DNAH6: variants seen among roughly 807,000 people sequenced by gnomAD.
DNAH6 encodes dynein axonemal heavy chain 6, also known as axonemal beta dynein heavy chain 6.
Under a neutral mutation model 491.4 loss-of-function variants are expected in DNAH6, and 340 were observed. The ratio of observed to expected loss-of-function variants is 0.69; its 90% CI spans 0.63 to 0.76. The LOEUF (loss-of-function observed/expected upper bound fraction) is 0.76. DNAH6 is among the 30% of genes least tolerant of loss of function. The pLI is 0.00. For synonymous variants in DNAH6, 1,603 were observed against 1,686.1 expected (o/e 0.95, Z 1.21); for missense variants, 4,443 against 4,972.2 (o/e 0.89, Z 3.20).
chr2:84,683,292 T>A (rs1693962638), intron 42 of DNAH6, among the ~76,000 whole-genome samples: 1 of 152,100 alleles, frequency 6.6e-6, no homozygotes, highest in Non-Finnish European at 1.5e-5. Flanking sequence ...TGAATGAATG[T>A]CTAGATGAAT....
intron 3 of DNAH6, 143 bp downstream of exon 3, chr2:84,525,881 T>C: frequency 1.5e-6 from 1 of 667,716 alleles, no homozygotes; most frequent in Non-Finnish European, 2.5e-6. Context: ...ATAACATTTC[T>C]TCATCCTATT....
At chr2:84,715,448 A>G (rs968989565) in intron 57 of DNAH6, 112 bp from the exon 58 acceptor site, 1 of 962,374 alleles carries the variant, frequency 1.0e-6, no homozygotes, top group South Asian at 1.6e-5. Context: ...TGTGTGTGCA[A>G]TTAGACCTGA....
chr2:84,731,987 T>C (rs535072533), intron 61 of DNAH6, among the ~76,000 whole-genome samples: 2 of 152,196 alleles, frequency 1.3e-5, no homozygotes, highest in South Asian at 4.2e-4. Context: ...AAAGAAACTA[T>C]CAAAAAGAGC....
intron 11 of DNAH6, among the ~76,000 whole-genome samples, chr2:84,558,568 C>G (rs1053974239): frequency 6.6e-6 from 1 of 152,088 alleles, no homozygotes; most frequent in African/African-American, 2.4e-5. Flanking sequence ...GGTGACTCAC[C>G]AGCCAACACA....
At chr2:84,691,918 C>G (rs1195303733) in intron 45 of DNAH6, among the ~76,000 whole-genome samples, 1 of 152,192 alleles carries the variant, frequency 6.6e-6, no homozygotes, top group Non-Finnish European at 1.5e-5. Flanking sequence ...GCCATCTTAC[C>G]AAGGCACTCA....
At chr2:84,572,457 G>C (rs1170505424) in intron 11 of DNAH6, among the ~76,000 whole-genome samples, 1 of 152,120 alleles carries the variant, frequency 6.6e-6, no homozygotes, top group Non-Finnish European at 1.5e-5. Flanking sequence ...TGACATATGA[G>C]AGATACTATT....
intron 68 of DNAH6, among the ~76,000 whole-genome samples, 173 bp downstream of exon 68, chr2:84,787,475 C>T (rs1419492355): frequency 6.6e-6 from 1 of 151,974 alleles, no homozygotes; most frequent in African/African-American, 2.4e-5. Context: ...ATAAGGACAT[C>T]ATGAGAATAT....
At position 84,663,396 on chromosome 2, in the gene DNAH6, C is replaced by T. The variant is rs1019827999; in HGVS notation, c.6084+4227C>T. On this transcript the variant is annotated intron_variant, in intron 37 of 76. Coordinates refer to ENST00000389394, the MANE Select transcript of DNAH6 (RefSeq NM_001370.2). ...ACTAGAATAAACAGCATGAAGAAGA[C>T]CTTAAATGACCTGATGGAGCTGAAA... Among the ~76,000 whole-genome samples the T allele has an allele frequency of 2.0e-5, 3 of 152,114 alleles. No individual in the cohort carries two copies. In the East Asian group the frequency reaches 5.8e-4, roughly 29 times the overall value.
the DNAH6 span, among the ~76,000 whole-genome samples, chr2:84,499,711 A>G: frequency 2.0e-5 from 3 of 152,288 alleles, no homozygotes; most frequent in South Asian, 2.1e-4. Flanking sequence ...GTTATTGCCT[A>G]TCTTTGGGAT....
chr2:84,503,338 T>C, the DNAH6 span, among the ~76,000 whole-genome samples: 1 of 152,214 alleles, frequency 6.6e-6, no homozygotes, highest in Admixed American at 6.5e-5. Flanking sequence ...ATATATCTTA[T>C]TGTACCGTGT....
At chr2:84,470,391 C>A in the DNAH6 span, among the ~76,000 whole-genome samples, 23 of 152,338 alleles carry the variant, frequency 1.5e-4, no homozygotes, top group East Asian at 3.5e-3. Context: ...ACTCCACAGA[C>A]AGAGCAGCCC....
At position 84,672,178 on chromosome 2, in the gene DNAH6, G is replaced by A. The variant is rs952742845; in HGVS notation, c.6455-149G>A. ...TGCAGGGGCCTGGGTGGGGCCAGAA[G>A]GAAGTCTCTCCTCCTCCAGGCAGGA... On this transcript the variant is annotated intron_variant, in intron 39 of 76. Coordinates refer to ENST00000389394, the MANE Select transcript of DNAH6 (RefSeq NM_001370.2). 4 of 725,004 alleles carry A rather than the reference G, an allele frequency of 5.5e-6. No homozygotes were observed. The African/African-American group carries it at 7.2e-5, about 13-fold the overall frequency. The allele number at this position is 725,004 out of a possible 1,614,324, so 44.9% of individuals were successfully genotyped here. A position where few individuals can be genotyped will look rare whatever the true frequency, so the allele number is the denominator to read the frequency against.
intron 4 of DNAH6, among the ~76,000 whole-genome samples, chr2:84,540,995 A>G (rs938567774): frequency 8.5e-5 from 13 of 152,188 alleles, no homozygotes; most frequent in Non-Finnish European, 1.8e-4. Flanking sequence ...ATAACACAGC[A>G]GTTGAATTTT....
intron 64 of DNAH6, among the ~76,000 whole-genome samples, chr2:84,768,717 T>C (rs1047564101): frequency 1.3e-5 from 2 of 152,220 alleles, no homozygotes; most frequent in African/African-American, 4.8e-5. Flanking sequence ...CCATATTTAT[T>C]AAGTGGAAGA....
At chr2:84,789,234 C>G (rs1677511135) in intron 68 of DNAH6, among the ~76,000 whole-genome samples, 1 of 152,182 alleles carries the variant, frequency 6.6e-6, no homozygotes, top group Non-Finnish European at 1.5e-5. Context: ...TGTTCATGCC[C>G]TCGCTGAAGC....
the DNAH6 span, among the ~76,000 whole-genome samples, chr2:84,469,024 G>A: frequency 4.6e-3 from 693 of 152,278 alleles, 11 homozygotes; most frequent in East Asian, 0.066. The surrounding 1 kb of genome is among the most constrained non-coding windows in gnomAD (Gnocchi z 4.0). Flanking sequence ...GGTGTTCTAA[G>A]CCCATGTTTT....
At chr2:84,517,085 C>T (rs1044406804) in intron 1 of DNAH6, among the ~76,000 whole-genome samples, 3 of 152,178 alleles carry the variant, frequency 2.0e-5, no homozygotes, top group African/African-American at 7.2e-5. Context: ...TTGGCCAGCA[C>T]TGATCTATAT....
At chr2:84,742,941 A>G (rs891806760) in intron 62 of DNAH6, among the ~76,000 whole-genome samples, 4 of 152,246 alleles carry the variant, frequency 2.6e-5, no homozygotes, top group Admixed American at 1.3e-4. Flanking sequence ...CTAGGGGGAG[A>G]AAAAGCTGTT....
At chr2:84,736,027 T>G (rs956133688) in intron 62 of DNAH6, among the ~76,000 whole-genome samples, 3 of 152,196 alleles carry the variant, frequency 2.0e-5, no homozygotes, top group African/African-American at 7.2e-5. Flanking sequence ...TGAGTTAATT[T>G]TTATATATGG....
Sources: gnomAD v4.1 joint callset for allele counts (sites outside exome capture counted in the v4.1 genomes callset) on GRCh38, gnomAD v4.1.1 for gene constraint, Gnocchi (gnomAD v3.1) non-coding constraint, MANE v1.5 for transcripts, NCBI Gene and HGNC (gene_info 2026-07-23, HGNC 2026-07-21) for gene names.